Variants in NBEAL1 observed in about 807,000 individuals in gnomAD.
NBEAL1 encodes the protein neurobeachin like 1, also known as neurobeachin-like protein 1.
In NBEAL1, 273 loss-of-function variants were observed where a neutral mutation model predicts 351.3. That is an observed-to-expected ratio of 0.78 (90% CI 0.70 to 0.86). NBEAL1 has a LOEUF of 0.86. NBEAL1 is among the 40% of genes least tolerant of loss of function. NBEAL1 has a pLI of 0.00. For missense variants in NBEAL1, 2,961 were observed against 3,201.3 expected, an observed-to-expected ratio of 0.92 and a Z score of 1.81; for synonymous variants, 1,050 against 1,086.4, an observed-to-expected ratio of 0.97 and a Z score of 0.66.
chr2:203,170,959 G>A (rs1005449796), intron 39 of NBEAL1, among the ~76,000 whole-genome samples: 7 of 152,090 alleles, frequency 4.6e-5, no homozygotes, highest in African/African-American at 7.2e-5. Flanking sequence ...TTTCTAAGTG[G>A]AATAGTCCTA....
chr2:203,137,486 G>GTAAGGCATAA (rs965283107), intron 29 of NBEAL1, among the ~76,000 whole-genome samples: 9 of 152,278 alleles, frequency 5.9e-5, no homozygotes, highest in African/African-American at 1.9e-4. Context: ...AAGACTCTCT[G>GTAAGGCATAA]TAAGGCATAA....
At chr2:203,134,573 A>G (rs1020745693) in intron 27 of NBEAL1, among the ~76,000 whole-genome samples, 1 of 152,190 alleles carries the variant, frequency 6.6e-6, no homozygotes, top group African/African-American at 2.4e-5. Flanking sequence ...GTTAAGAGAG[A>G]TACTCAAAAC....
chr2:203,204,324 G>T lies in NBEAL1; in HGVS notation c.7506+1543G>T, dbSNP rs1468931196. Among the ~76,000 whole-genome samples, 164 of 125,768 alleles carry T rather than the reference G, an allele frequency of 1.3e-3. 1 individual carries two copies. In the South Asian group the frequency reaches 0.03, roughly 23 times the overall value. The allele number at this position is 125,768 out of a possible 152,430, so 82.5% of individuals were successfully genotyped here. On this transcript the variant is annotated intron_variant, in intron 51 of 55. Coordinates refer to ENST00000683969, the MANE Select transcript of NBEAL1 (RefSeq NM_001378026.1). The stretch of plus-strand genomic sequence containing the variant: ...GTTAATTTGGTTTGGGGGTTTTTTG[G>T]TTTTTTTTTTTTTTTTTTGAGGCAG...
chr2:203,149,055 T>G lies in NBEAL1; in HGVS notation c.5369T>G (p.Leu1790Arg). 2 of 1,613,276 alleles carry G rather than the reference T, an allele frequency of 1.2e-6. No individual in the cohort carries two copies. Among genetic ancestry groups the G allele is most frequent in the Non-Finnish European group, 1.7e-6 (2 of 1,179,448 alleles). ...RQENLRYNNMLKQLSSQQLAT... is the reference protein window; with the variant it reads ...RQENLRYNNMRKQLSSQQLAT... ...GAGAACCTGAGGTATAATAATATGCTTAAACAACTTAGCAGTCAACAGTTA... is the reference window on the plus strand; with the variant it reads ...GAGAACCTGAGGTATAATAATATGCGTAAACAACTTAGCAGTCAACAGTTA... The change falls in exon 34 of 56, where the codon CTT becomes CGT. Residue 1790 changes from leucine to arginine, a missense_variant. By Grantham distance (102) the Leu-to-Arg change is moderately radical (BLOSUM62 -2). Coordinates refer to ENST00000683969, the MANE Select transcript of NBEAL1 (RefSeq NM_001378026.1).
chr2:203,212,644 A>C (rs763913739), intron 54 of NBEAL1, among the ~76,000 whole-genome samples: 21 of 152,054 alleles, frequency 1.4e-4, no homozygotes, highest in Non-Finnish European at 2.2e-4. Flanking sequence ...GGAAATATCA[A>C]TATTTGTGTA....
At chr2:203,058,713 T>G (rs1325833787) in intron 6 of NBEAL1, among the ~76,000 whole-genome samples, 1 of 152,228 alleles carries the variant, frequency 6.6e-6, no homozygotes, top group East Asian at 1.9e-4. Context: ...GTTGTTGCTC[T>G]CTTTCTTCCA....
intron 12 of NBEAL1, among the ~76,000 whole-genome samples, chr2:203,104,073 A>G (rs771097862): frequency 7.9e-5 from 12 of 152,136 alleles, no homozygotes; most frequent in African/African-American, 2.2e-4. Flanking sequence ...AAGAATGTAT[A>G]TTCTCTTGTT....
intron 48 of NBEAL1, 49 bp from the exon 49 acceptor site, chr2:203,199,289 C>T: frequency 9.2e-7 from 1 of 1,088,816 alleles, no homozygotes; most frequent in Non-Finnish European, 1.4e-6. Context: ...TTCTGGGCTG[C>T]TTTCCTTAAT....
intron 2 of NBEAL1, among the ~76,000 whole-genome samples, chr2:203,032,413 T>C (rs1378055278): frequency 6.6e-6 from 1 of 152,010 alleles, no homozygotes; most frequent in African/African-American, 2.4e-5. Flanking sequence ...ATCCCAGCAC[T>C]TTGGGAGGCT....
chr2:203,138,254 T>C lies in NBEAL1; in HGVS notation c.4658T>C (p.Leu1553Pro), dbSNP rs2063271659. 1.2e-6 allele frequency: 2 copies of C among 1,614,140 alleles called. No individual in the cohort carries two copies. Among genetic ancestry groups the C allele is most frequent in the East Asian group, 4.5e-5 (2 of 44,876 alleles). ...VTAENAFRLV[L>P]IIQDFLQSEG... ...GCTGAAAACGCCTTCCGACTAGTGC[T>C]GATCATACAGGACTTTCTTCAGTCA... is the stretch of plus-strand genomic sequence containing the variant. The change falls in exon 30 of 56, where the codon CTG becomes CCG. Residue 1553 changes from leucine to proline, a missense_variant. Coordinates refer to ENST00000683969, the MANE Select transcript of NBEAL1 (RefSeq NM_001378026.1).
At chr2:203,024,542 ACT>A (rs1391044919) in intron 2 of NBEAL1, among the ~76,000 whole-genome samples, 3 of 143,242 alleles carry the variant, frequency 2.1e-5, no homozygotes, top group Non-Finnish European at 4.6e-5. Flanking sequence ...ATAGAGTGAG[ACT>A]CTGTCTCAAA....
chr2:203,187,698 G>A (rs1475861268), intron 44 of NBEAL1, among the ~76,000 whole-genome samples: 7 of 151,222 alleles, frequency 4.6e-5, no homozygotes, highest in East Asian at 2.0e-4. Context: ...AGCCAAGATC[G>A]TGCCACTGCA....
At chr2:203,184,074 TAAAAA>T (rs1170251389) in intron 44 of NBEAL1, among the ~76,000 whole-genome samples, 1 of 87,984 alleles carries the variant, frequency 1.1e-5, no homozygotes, top group Non-Finnish European at 2.1e-5. Context: ...CGAGACTGTC[TAAAAA>T]AAAAAAAAAA....
intron 40 of NBEAL1, 45 bp downstream of exon 40, chr2:203,172,068 T>G (rs1366024946): frequency 8.7e-7 from 1 of 1,146,364 alleles, no homozygotes; most frequent in South Asian, 1.5e-5. Context: ...GCCCTACAGT[T>G]TTATAAATCA....
rs148759209 is a variant in NBEAL1 at position 203,098,711 on chromosome 2, G to A, written c.1186-918G>A. On this transcript the variant is annotated intron_variant, in intron 11 of 55. Transcript: ENST00000683969. Reference sequence around the variant, plus strand: ...TTTTTATTTTTTCATACAACTTTTAGGATTAAAAGTTGCCTTCTCAAAAAC... The same window carrying A: ...TTTTTATTTTTTCATACAACTTTTAAGATTAAAAGTTGCCTTCTCAAAAAC... Among the ~76,000 whole-genome samples, 420 of 151,892 alleles carry A rather than the reference G, an allele frequency of 2.8e-3. 1 individual carries two copies. The highest frequency in any genetic ancestry group is 0.017 in the Middle Eastern group (5 of 288).
chr2:203,073,696 C>G (rs747872909), intron 7 of NBEAL1, among the ~76,000 whole-genome samples: 3 of 152,064 alleles, frequency 2.0e-5, no homozygotes, highest in Non-Finnish European at 4.4e-5. Context: ...CTTTTGATTT[C>G]ATTGATTTTC....
At chr2:203,095,211 T>C (rs1256668034) in intron 10 of NBEAL1, among the ~76,000 whole-genome samples, 2 of 152,228 alleles carry the variant, frequency 1.3e-5, no homozygotes, top group Non-Finnish European at 2.9e-5. Flanking sequence ...TCTTTACAGC[T>C]GCTAAAATCT....
intron 35 of NBEAL1, among the ~76,000 whole-genome samples, chr2:203,153,137 A>G (rs928341910): frequency 5.3e-5 from 8 of 151,758 alleles, no homozygotes; most frequent in African/African-American, 1.9e-4. Flanking sequence ...TTTTTAAACT[A>G]TTTTTATTTT....
At chr2:203,085,891 A>G (rs2061954361) in intron 10 of NBEAL1, 1 of 152,210 alleles carries the variant, frequency 6.6e-6, no homozygotes, top group South Asian at 2.1e-4. Context: ...ATGAAAAAGT[A>G]AGATCCCACA....
Sources: allele counts gnomAD v4.1 joint callset (sites outside exome capture counted in the v4.1 genomes callset), GRCh38; gene constraint gnomAD v4.1.1; transcripts MANE v1.5; gene names NCBI Gene and HGNC (gene_info 2026-07-23, HGNC 2026-07-21).